ELN: variants seen among roughly 807,000 people sequenced by gnomAD.
ELN encodes the protein tropoelastin.
Under a neutral mutation model 105.8 loss-of-function variants are expected in ELN, and 65 were observed. That is an observed-to-expected ratio of 0.61 (90% CI 0.50 to 0.75). The LOEUF (loss-of-function observed/expected upper bound fraction) is 0.75, where lower values mean the gene tolerates loss of function less well. Among genes scored for constraint, ELN ranks in the 30% least tolerant of loss-of-function variants. The pLI, the probability that ELN is intolerant of heterozygous loss-of-function variation, is 0.00. For missense variants in ELN, 882 were observed against 969.4 expected, an observed-to-expected ratio of 0.91 and a Z score of 1.20; for synonymous variants, 368 against 389.2, an observed-to-expected ratio of 0.95 and a Z score of 0.64.
chr7:74,033,143 T>C (rs1393857808), intron 1 of ELN, among the ~76,000 whole-genome samples: 3 of 152,120 alleles, frequency 2.0e-5, no homozygotes, highest in Non-Finnish European at 4.4e-5. Context: ...AGGAAACCGA[T>C]GTTCAGAGAG....
chr7:74,046,228 G>C lies in ELN; in HGVS notation c.571+11G>C, dbSNP rs1792475096. On this transcript the variant is annotated intron_variant, in intron 11 of 32. Coordinates refer to ENST00000252034, the MANE Select transcript of ELN (RefSeq NM_000501.4). ...TTGCTGGAATCCCAGGTGAGGCAAG[G>C]CTGGTGGGAGAAGCAGGGTGGCCAG... 1 of 1,614,204 alleles carries C rather than the reference G, an allele frequency of 6.2e-7. No homozygotes were observed. The highest frequency in any genetic ancestry group is 8.5e-7 in the Non-Finnish European group (1 of 1,180,032).
At position 74,067,274 on chromosome 7, in the gene ELN, CTT is replaced by C. The variant is rs111440415; in HGVS notation, c.2131+508_2131+509del. Among the ~76,000 whole-genome samples the C allele has an allele frequency of 1.1e-3, 167 of 147,318 alleles. 1 individual carries two copies. The highest frequency in any genetic ancestry group is 3.9e-3 in the African/African-American group (157 of 40,552). ...TCTCTACTAAAAATACTATAGTCTT[CTT>C]TTTTTTTTTGAGATGGAGTCTTGCT... is the stretch of plus-strand genomic sequence containing the variant. On this transcript the variant is annotated intron_variant, in intron 32 of 32. Transcript: ENST00000252034.
chr7:74,042,706 G>A lies in ELN; in HGVS notation c.325G>A (p.Gly109Ser), dbSNP rs782223299. ...AAAAYKAAKAGAGLGGVPGVG... is the reference protein window; with the variant it reads ...AAAAYKAAKASAGLGGVPGVG... ...TGCAGCCTATAAAGCTGCTAAGGCT[G>A]GTGAGTGGTGCTCTTTGGGACATGC... is the stretch of plus-strand genomic sequence containing the variant. The change falls in exon 6 of 33, where the codon GGC becomes AGC. Residue 109 changes from glycine to serine, a missense_variant and splice_region_variant. Gly to Ser is a moderately conservative substitution (Grantham distance 56). Coordinates refer to ENST00000252034, the MANE Select transcript of ELN (RefSeq NM_000501.4). The A allele has an allele frequency of 1.2e-6, 2 of 1,612,570 alleles. No homozygotes were observed. Among genetic ancestry groups the A allele is most frequent in the South Asian group, 2.2e-5 (2 of 91,084 alleles).
intron 32 of ELN, among the ~76,000 whole-genome samples, chr7:74,067,884 C>CTCT (rs1798295539): frequency 6.9e-6 from 1 of 145,008 alleles, no homozygotes; most frequent in African/African-American, 2.6e-5. Context: ...GCTGAGACTA[C>CTCT]ACCACTGCCC....
At chr7:74,035,819 G>C in intron 2 of ELN, 1 of 306,734 alleles carries the variant, frequency 3.3e-6, no homozygotes, top group Admixed American at 4.6e-5. Context: ...CACGCCTGTA[G>C]TCCTAGCTAC....
intron 4 of ELN, among the ~76,000 whole-genome samples, chr7:74,040,311 G>T (rs549937470): frequency 1.9e-4 from 29 of 152,334 alleles, no homozygotes; most frequent in Non-Finnish European, 3.4e-4. Flanking sequence ...TGGCCCGGGT[G>T]CTGGGAAGTG....
chr7:74,047,529 G>A (rs1036688968), intron 12 of ELN, 146 bp from the exon 13 acceptor site: 13 of 1,073,280 alleles, frequency 1.2e-5, no homozygotes, highest in Admixed American at 1.7e-5. Flanking sequence ...TTCACCCAGC[G>A]CCTTTGCTCT....
chr7:74,052,936 G>T (rs1794422127), intron 17 of ELN: 2 of 593,986 alleles, frequency 3.4e-6, no homozygotes, highest in Admixed American at 3.0e-5. Flanking sequence ...AAAAGAAAAA[G>T]AAAGAGATCA....
chr7:74,059,902 C>T lies in ELN; in HGVS notation c.1431C>T (p.Val477=), dbSNP rs782141278. 20 of 1,396,044 alleles carry T rather than the reference C, an allele frequency of 1.4e-5. No homozygotes were observed. The South Asian group carries it at 1.5e-4, about 10-fold the overall frequency. 86.5% of individuals were successfully genotyped at this position (1,396,044 alleles called of 1,614,324 possible). A position where few individuals can be genotyped will look rare whatever the true frequency, so the allele number is the denominator to read the frequency against. Residue 477 remains valine, a synonymous_variant, in exon 23 of 33, where the codon GTC becomes GTT. Transcript: ENST00000252034. The part of the protein sequence containing the change: ...KAAQFGLVPG[V]GVAPGVGVAP... ...ATCTTGCAGGGTTAGTTCCTGGTGT[C>T]GGCGTGGCTCCTGGAGTTGGCGTGG...
rs1554676326 is a variant in ELN, at chr7:74,051,924, G to A, written c.890G>A (p.Gly297Asp). 6.2e-7 allele frequency: 1 copy of A among 1,613,988 alleles called. No homozygotes were observed. The highest frequency in any genetic ancestry group is 1.7e-5 in the Admixed American group (1 of 60,030). ...TCACCCTCTGTGGCTGTGTTTTCAG[G>A]CGTTGGGACTCCAGCTGCAGCTGCA... ...GAIPGIGGIA[G>D]VGTPAAAAAA... The change falls in exon 17 of 33, where the codon GGC becomes GAC. Residue 297 changes from glycine to aspartate, a missense_variant and splice_region_variant. By Grantham distance (94) the Gly-to-Asp change is moderately conservative. Coordinates refer to ENST00000252034, the MANE Select transcript of ELN (RefSeq NM_000501.4).
At position 74,063,098 on chromosome 7, in the gene ELN, C is replaced by A; in HGVS notation, c.1787-55C>A. 1 of 1,559,990 alleles carries A rather than the reference C, an allele frequency of 6.4e-7. No individual in the cohort carries two copies. The highest frequency in any genetic ancestry group is 8.7e-7 in the Non-Finnish European group (1 of 1,150,400). ...GTCTGCTTGCCTTGTGTCCCTGGGG[C>A]AGGGAGACCCATCGTTCAGAAATGG... On this transcript the variant is annotated intron_variant, in intron 26 of 32. Coordinates refer to ENST00000252034, the MANE Select transcript of ELN (RefSeq NM_000501.4). This position sits in a 1 kb window ranked among gnomAD's most constrained non-coding sequence, Gnocchi z 4.1.
At chr7:74,056,145 T>C in intron 19 of ELN, 126 bp from the exon 20 acceptor site, 1 of 1,319,198 alleles carries the variant, frequency 7.6e-7, no homozygotes, top group Non-Finnish European at 1.1e-6. Context: ...ATCCCAGTTT[T>C]CTGTCTTTTA....
chr7:74,049,219 T>C, intron 15 of ELN, among the ~76,000 whole-genome samples: 1 of 144,952 alleles, frequency 6.9e-6, no homozygotes, highest in East Asian at 2.1e-4. Flanking sequence ...CTCCCTCCAT[T>C]CATCCATCCT....
chr7:74,028,175 A>G lies in ELN; in HGVS notation c.-13A>G, dbSNP rs782047987. 6.3e-6 allele frequency: 10 copies of G among 1,589,492 alleles called. No homozygotes were observed. Among genetic ancestry groups the G allele is most frequent in the Non-Finnish European group, 8.6e-6 (10 of 1,165,980 alleles). ...CGAGGTGCGGAGAGCGGGCTGGGGC[A>G]TTTCTCCCCGAGATGGCGGGTCTGA... On this transcript the variant is annotated 5_prime_UTR_variant, in exon 1 of 33. Coordinates refer to ENST00000252034, the MANE Select transcript of ELN (RefSeq NM_000501.4).
chr7:74,056,644 G>C (rs782283663), intron 20 of ELN, 28 bp from the exon 21 acceptor site: 2 of 1,613,824 alleles, frequency 1.2e-6, no homozygotes, highest in African/African-American at 1.3e-5. Context: ...GGCTTCTGAG[G>C]GTCTCTTTCT....
At chr7:74,043,768 G>A in intron 8 of ELN, 111 bp from the exon 9 acceptor site, 1 of 1,406,656 alleles carries the variant, frequency 7.1e-7, no homozygotes, top group Non-Finnish European at 9.9e-7. Context: ...CCCCTGTCGG[G>A]CACAGAGGCT....
intron 10 of ELN, 59 bp downstream of exon 10, chr7:74,045,352 C>A: frequency 1.3e-6 from 2 of 1,598,216 alleles, no homozygotes; most frequent in Non-Finnish European, 1.7e-6. Context: ...CCTTCTGGCC[C>A]CGGGTGTGAA....
chr7:74,059,302 C>A (rs948293955), intron 22 of ELN, among the ~76,000 whole-genome samples: 3 of 152,152 alleles, frequency 2.0e-5, no homozygotes, highest in Admixed American at 6.6e-5. Flanking sequence ...GAACCCAAAG[C>A]CTTTCTGTCT....
chr7:74,053,402 C>T, intron 18 of ELN, 93 bp downstream of exon 18: 1 of 1,547,534 alleles, frequency 6.5e-7, no homozygotes, highest in Non-Finnish European at 8.7e-7. Flanking sequence ...TTTTTGCATT[C>T]TCCCTAACAC....
Sources: gnomAD v4.1 joint callset for allele counts (sites outside exome capture counted in the v4.1 genomes callset) on GRCh38, gnomAD v4.1.1 for gene constraint, Gnocchi (gnomAD v3.1) non-coding constraint, MANE v1.5 for transcripts, NCBI Gene and HGNC (gene_info 2026-07-23, HGNC 2026-07-21) for gene names.